KDM4E: variants seen among roughly 807,000 people sequenced by gnomAD.
KDM4E encodes the protein lysine demethylase 4E.
For missense variants in KDM4E, 576 were observed against 642.6 expected (o/e 0.90, Z 1.12); for synonymous variants, 229 against 232.9 (o/e 0.98, Z 0.15).
chr11:95,025,919 G>A lies in KDM4E; in HGVS notation c.362G>A (p.Arg121Gln), dbSNP rs781997196. ...CAGAATTTTGCAGATTTGGAGCAACGATACTGGAAGAGCCACCCCGGTAAT... is the reference window on the plus strand; with the variant it reads ...CAGAATTTTGCAGATTTGGAGCAACAATACTGGAAGAGCCACCCCGGTAAT... ...PHQNFADLEQ[R>Q]YWKSHPGNPP... The change falls in exon 1 of 1, where the codon CGA becomes CAA. Residue 121 changes from arginine to glutamine, a missense_variant. Transcript: ENST00000450979. The A allele has an allele frequency of 2.0e-5, 32 of 1,575,602 alleles. No homozygotes were observed. The highest frequency in any genetic ancestry group is 1.9e-4 in the South Asian group (17 of 88,158).
chr11:95,026,247 C>A lies in KDM4E; in HGVS notation c.690C>A (p.Asp230Glu), dbSNP rs1555102798. Residue 230 changes from aspartate to glutamate, a missense_variant, in exon 1 of 1, where the codon GAC becomes GAA. Transcript: ENST00000450979. ...LERLARELFP[D>E]ISRGCEAFLR... ...GCCTGGCCAGGGAGCTCTTCCCAGA[C>A]ATTTCTCGGGGCTGTGAGGCCTTCC... The A allele has an allele frequency of 2.5e-6, 4 of 1,614,032 alleles. No homozygotes were observed. Among genetic ancestry groups the A allele is most frequent in the Non-Finnish European group, 3.4e-6 (4 of 1,180,024 alleles).
rs1366417015 is a variant in KDM4E, at chr11:95,025,472, G to C, written c.-86G>C. ...AACCAAAGTATTTTGAAAAACAAAGGGGAGAAAAGAAATTACTCCCCAGAA... is the reference window on the plus strand; with the variant it reads ...AACCAAAGTATTTTGAAAAACAAAGCGGAGAAAAGAAATTACTCCCCAGAA... On this transcript the variant is annotated 5_prime_UTR_variant, in exon 1 of 1. Coordinates refer to ENST00000450979, the MANE Select transcript of KDM4E (RefSeq NM_001161630.1). The C allele has an allele frequency of 1.3e-5, 19 of 1,438,654 alleles. No homozygotes were observed. The African/African-American group carries it at 2.0e-4, about 15-fold the overall frequency. 89.1% of individuals were successfully genotyped at this position (1,438,654 alleles called of 1,614,324 possible).
Position 95,025,887 on chromosome 11 carries a change from G to A in KDM4E, c.330G>A (p.Pro110=), listed in dbSNP as rs782485519. 21 of 1,589,388 alleles carry A rather than the reference G, an allele frequency of 1.3e-5. No homozygotes were observed. Among genetic ancestry groups the A allele is most frequent in the Admixed American group, 8.6e-5 (5 of 58,034 alleles). Residue 110 remains proline, a synonymous_variant, in exon 1 of 1, where the codon CCG becomes CCA. Coordinates refer to ENST00000450979, the MANE Select transcript of KDM4E (RefSeq NM_001161630.1). Reference sequence around the variant, plus strand: ...CAAACAGTAAAAAATATCAGACTCCGCCACACCAGAATTTTGCAGATTTGG... The same window carrying A: ...CAAACAGTAAAAAATATCAGACTCCACCACACCAGAATTTTGCAGATTTGG... The part of the protein sequence containing the change: ...RLANSKKYQT[P]PHQNFADLEQ...
rs782807560 is a variant in KDM4E at position 95,026,419 on chromosome 11, G to A, written c.862G>A (p.Glu288Lys). The A allele has an allele frequency of 5.4e-4, 868 of 1,612,320 alleles. No individual in the cohort carries two copies. Among genetic ancestry groups the A allele is most frequent in the Non-Finnish European group, 6.8e-4 (808 of 1,179,906 alleles). The change falls in exon 1 of 1, where the codon GAA becomes AAA. Residue 288 changes from glutamate (E) to lysine (K), a missense_variant. Coordinates refer to ENST00000450979, the MANE Select transcript of KDM4E (RefSeq NM_001161630.1). ...AGFNHGFNCAEAINFATPRWI... is the reference protein window; with the variant it reads ...AGFNHGFNCAKAINFATPRWI... The stretch of plus-strand genomic sequence containing the variant: ...CTTCAATCACGGCTTCAACTGCGCA[G>A]AAGCCATTAATTTTGCCACTCCACG...
At position 95,027,156 on chromosome 11, in the gene KDM4E, G is replaced by T; in HGVS notation, c.*78G>T. 1.3e-6 allele frequency: 2 copies of T among 1,489,586 alleles called. No individual in the cohort carries two copies. The highest frequency in any genetic ancestry group is 2.7e-5 in the South Asian group (2 of 75,008). The allele number at this position is 1,489,586 out of a possible 1,614,324, so 92.3% of individuals were successfully genotyped here. ...TCTTCAACTCCTGGGGCCCCCACTG[G>T]ATCGTGATGAAACCATGCACCCTGG... is the stretch of plus-strand genomic sequence containing the variant. On this transcript the variant is annotated 3_prime_UTR_variant, in exon 1 of 1. Transcript: ENST00000450979.
At position 95,027,056 on chromosome 11, in the gene KDM4E, T is replaced by A. The variant is rs1022705375; in HGVS notation, c.1499T>A (p.Leu500Ter). ...CCTCAGCTCCCGCTTGCCAATGATT[T>A]GATGACAAATCTGTCCCTTTGAGTG... ...HRPQLPLAND[L>*]MTNLSL The change falls in exon 1 of 1, where the codon TTG (leucine) becomes TAG (stop). Residue 500 changes from leucine to a stop codon, truncating the protein, a stop_gained. Transcript: ENST00000450979. LOFTEE classifies it low-confidence loss of function (END_TRUNC). 1.3e-6 allele frequency: 2 copies of A among 1,537,010 alleles called. No homozygotes were observed. Among genetic ancestry groups the A allele is most frequent in the Non-Finnish European group, 1.7e-6 (2 of 1,146,838 alleles).
In KDM4E at chr11:95,025,676, C is replaced by G; in HGVS notation, c.119C>G (p.Ala40Gly). ...GTTGCTTACATGGAGTCCCAAGGCG[C>G]ACATCAAGCTGGCCTTGCCAAGGTA... ...TYVAYMESQGAHQAGLAKVIP... is the reference protein window; with the variant it reads ...TYVAYMESQGGHQAGLAKVIP... Residue 40 changes from alanine (A) to glycine (G), a missense_variant, in exon 1 of 1, where the codon GCA (alanine) becomes GGA (glycine). By Grantham distance (60) the Ala-to-Gly change is moderately conservative. Coordinates refer to ENST00000450979, the MANE Select transcript of KDM4E (RefSeq NM_001161630.1). 2.6e-6 allele frequency: 4 copies of G among 1,550,634 alleles called. No homozygotes were observed. The highest frequency in any genetic ancestry group is 3.5e-6 in the Non-Finnish European group (4 of 1,153,412).
In KDM4E at chr11:95,026,921, GTGGTCA is replaced by G; in HGVS notation, c.1369_1374del (p.His457_Gly458del). 6.5e-7 allele frequency: 1 copy of G among 1,537,180 alleles called. No individual in the cohort carries two copies. The highest frequency in any genetic ancestry group is 1.4e-5 in the African/African-American group (1 of 73,140). Reference sequence around the variant, plus strand: ...CAAGGTCGAGGTTGCAGTCGTGGTCGTGGTCATGGTTGTTGTACTCGAGAACTGGGG... The same window carrying G: ...CAAGGTCGAGGTTGCAGTCGTGGTCGTGGTTGTTGTACTCGAGAACTGGGG... On this transcript the variant is annotated inframe_deletion, in exon 1 of 1. Coordinates refer to ENST00000450979, the MANE Select transcript of KDM4E (RefSeq NM_001161630.1).
chr11:95,025,958 G>A lies in KDM4E; in HGVS notation c.401G>A (p.Gly134Asp), dbSNP rs1555102689. The change falls in exon 1 of 1, where the codon GGT becomes GAT. Residue 134 changes from glycine to aspartate, a missense_variant. Gly to Asp is a moderately conservative substitution (Grantham distance 94, BLOSUM62 -1). Transcript: ENST00000450979. ...CACCCCGGTAATCCACCAATTTATG[G>A]TGCTGATATCAGCGGCTCCTTATTT... ...KSHPGNPPIY[G>D]ADISGSLFEE... is the part of the protein sequence containing the mutation. The A allele has an allele frequency of 1.3e-6, 2 of 1,581,036 alleles. No individual in the cohort carries two copies. Among genetic ancestry groups the A allele is most frequent in the Non-Finnish European group, 8.6e-7 (1 of 1,167,376 alleles).
chr11:95,026,914 CGTG>C lies in KDM4E; in HGVS notation c.1360_1362del (p.Gly454del). 6.5e-7 allele frequency: 1 copy of C among 1,537,162 alleles called. No individual in the cohort carries two copies. Among genetic ancestry groups the C allele is most frequent in the Non-Finnish European group, 8.7e-7 (1 of 1,146,882 alleles). ...TCAAGGTCAAGGTCGAGGTTGCAGT[CGTG>C]GTCGTGGTCATGGTTGTTGTACTCG... is the stretch of plus-strand genomic sequence containing the variant. On this transcript the variant is annotated inframe_deletion, in exon 1 of 1. Transcript: ENST00000450979.
chr11:95,026,617 G>C lies in KDM4E; in HGVS notation c.1060G>C (p.Glu354Gln). The C allele has an allele frequency of 6.5e-7, 1 of 1,537,356 alleles. No homozygotes were observed. The highest frequency in any genetic ancestry group is 8.7e-7 in the Non-Finnish European group (1 of 1,146,942). ...AGAGCCCAGGGTTGCAGAAAGCCAA[G>C]AGCTGAGCAACTGGAGAGATGATAT... ...HTEPRVAESQ[E>Q]LSNWRDDIVL... Residue 354 changes from glutamate (E) to glutamine (Q), a missense_variant, in exon 1 of 1, where the codon GAG becomes CAG. Physicochemically the swap from Glu to Gln is conservative, Grantham distance 29. Transcript: ENST00000450979.
chr11:95,026,051 G>A lies in KDM4E; in HGVS notation c.494G>A (p.Cys165Tyr), dbSNP rs1590980851. The change falls in exon 1 of 1, where the codon TGT (cysteine) becomes TAT (tyrosine). Residue 165 changes from cysteine (C) to tyrosine (Y), a missense_variant. Transcript: ENST00000450979. Reference protein sequence around the residue: ...GTILDLLEQECGVVIEGVNTP... With the variant: ...GTILDLLEQEYGVVIEGVNTP... ...ATTCTGGACCTGTTGGAGCAGGAAT[G>A]TGGGGTTGTCATCGAGGGTGTCAAC... 6.2e-7 allele frequency: 1 copy of A among 1,613,184 alleles called. No individual in the cohort carries two copies. The highest frequency in any genetic ancestry group is 1.6e-4 in the Middle Eastern group (1 of 6,062).
rs781959672 is a variant in KDM4E at position 95,026,033 on chromosome 11, A to G, written c.476A>G (p.Asp159Gly). The G allele has an allele frequency of 1.9e-6, 3 of 1,611,422 alleles. No homozygotes were observed. Among genetic ancestry groups the G allele is most frequent in the Non-Finnish European group, 2.5e-6 (3 of 1,178,376 alleles). The change falls in exon 1 of 1, where the codon GAC becomes GGC. Residue 159 changes from aspartate to glycine, a missense_variant. Transcript: ENST00000450979. ...WNLGHLGTIL[D>G]LLEQECGVVI... ...CTAGGACACCTGGGAACAATTCTGG[A>G]CCTGTTGGAGCAGGAATGTGGGGTT...
rs1277177362 is a variant in KDM4E, at chr11:95,027,145, G to A, written c.*67G>A. On this transcript the variant is annotated 3_prime_UTR_variant, in exon 1 of 1. Coordinates refer to ENST00000450979, the MANE Select transcript of KDM4E (RefSeq NM_001161630.1). ...TGTGTCCCTGATCTTCAACTCCTGG[G>A]GCCCCCACTGGATCGTGATGAAACC... 5 of 1,501,426 alleles carry A rather than the reference G, an allele frequency of 3.3e-6. No homozygotes were observed. In the East Asian group the frequency reaches 1.2e-4, roughly 37 times the overall value. 93.0% of individuals were successfully genotyped at this position (1,501,426 alleles called of 1,614,324 possible).
At position 95,025,361 on chromosome 11, in the gene KDM4E, G is replaced by T. The variant is rs782139260; in HGVS notation, c.-197G>T. ...TCTTCAGAAAAAAGTATACTGACTA[G>T]AGTGGAGTCCCCCTGGGGAGTCAGA... is the stretch of plus-strand genomic sequence containing the variant. On this transcript the variant is annotated 5_prime_UTR_variant, in exon 1 of 1. Transcript: ENST00000450979. 4.5e-6 allele frequency: 3 copies of T among 661,516 alleles called. No individual in the cohort carries two copies. The highest frequency in any genetic ancestry group is 3.3e-5 in the Admixed American group (1 of 29,958). 41.0% of individuals were successfully genotyped at this position (661,516 alleles called of 1,614,324 possible). A position where few individuals can be genotyped will look rare whatever the true frequency, so the allele number is the denominator to read the frequency against.
rs528109034 is a variant in KDM4E, at chr11:95,026,587, C to T, written c.1030C>T (p.His344Tyr). Residue 344 changes from histidine to tyrosine, a missense_variant, in exon 1 of 1, where the codon CAC (histidine) becomes TAC (tyrosine). Physicochemically the swap from His to Tyr is moderately conservative, Grantham distance 83. Coordinates refer to ENST00000450979, the MANE Select transcript of KDM4E (RefSeq NM_001161630.1). The part of the protein sequence containing the change: ...KHRQDLAIVE[H>Y]TEPRVAESQE... ...CAGGCAAGACTTGGCCATTGTGGAA[C>T]ACACAGAGCCCAGGGTTGCAGAAAG... is the stretch of plus-strand genomic sequence containing the variant. 10 of 1,537,926 alleles carry T rather than the reference C, an allele frequency of 6.5e-6. No individual in the cohort carries two copies. The East Asian group carries it at 1.5e-4, about 23-fold the overall frequency.
Position 95,026,571 on chromosome 11 carries a change from C to A in KDM4E, c.1014C>A (p.Asp338Glu). The change falls in exon 1 of 1, where the codon GAC becomes GAA. Residue 338 changes from aspartate (D) to glutamate (E), a missense_variant. Coordinates refer to ENST00000450979, the MANE Select transcript of KDM4E (RefSeq NM_001161630.1). ...ATGAGCTCTGGAAACACAGGCAAGA[C>A]TTGGCCATTGTGGAACACACAGAGC... ...ESYELWKHRQ[D>E]LAIVEHTEPR... 1.9e-6 allele frequency: 3 copies of A among 1,539,274 alleles called. No individual in the cohort carries two copies. The highest frequency in any genetic ancestry group is 2.6e-6 in the Non-Finnish European group (3 of 1,147,840).
rs559607406 is a variant in KDM4E at position 95,026,580 on chromosome 11, T to C, written c.1023T>C (p.Ile341=). Residue 341 remains isoleucine, a synonymous_variant, in exon 1 of 1, where the codon ATT becomes ATC. Transcript: ENST00000450979. ...GGAAACACAGGCAAGACTTGGCCAT[T>C]GTGGAACACACAGAGCCCAGGGTTG... The part of the protein sequence containing the change: ...ELWKHRQDLA[I]VEHTEPRVAE... 14 of 1,538,300 alleles carry C rather than the reference T, an allele frequency of 9.1e-6. No homozygotes were observed. The highest frequency in any genetic ancestry group is 8.3e-5 in the South Asian group (7 of 84,188).
Position 95,026,064 on chromosome 11 carries a change from C to G in KDM4E, c.507C>G (p.Ile169Met), listed in dbSNP as rs781935412. 1 of 1,613,128 alleles carries G rather than the reference C, an allele frequency of 6.2e-7. No individual in the cohort carries two copies. The highest frequency in any genetic ancestry group is 1.3e-5 in the African/African-American group (1 of 74,988). Residue 169 changes from isoleucine to methionine, a missense_variant, in exon 1 of 1, where the codon ATC (isoleucine) becomes ATG (methionine). Ile to Met is a conservative substitution (Grantham distance 10). Coordinates refer to ENST00000450979, the MANE Select transcript of KDM4E (RefSeq NM_001161630.1). ...DLLEQECGVV[I>M]EGVNTPYLYF... ...TGGAGCAGGAATGTGGGGTTGTCATCGAGGGTGTCAACACACCCTACCTGT... is the reference window on the plus strand; with the variant it reads ...TGGAGCAGGAATGTGGGGTTGTCATGGAGGGTGTCAACACACCCTACCTGT...
Sources: gnomAD v4.1 joint callset for allele counts on GRCh38, gnomAD v4.1.1 for gene constraint, MANE v1.5 for transcripts, NCBI Gene and HGNC (gene_info 2026-07-23, HGNC 2026-07-21) for gene names.